DLC1: variants seen among roughly 807,000 people sequenced by gnomAD.
DLC1 encodes DLC1 Rho GTPase activating protein, also known as rho GTPase-activating protein 7.
In DLC1, 54 loss-of-function variants were observed where a neutral mutation model predicts 140.3. The observed-to-expected ratio is 0.38, with a 90% CI of 0.31 to 0.48. The LOEUF (loss-of-function observed/expected upper bound fraction) is 0.48, where lower values mean the gene tolerates loss of function less well. Ranked by LOEUF, DLC1 falls within the 20% of genes least tolerant of loss-of-function variation. DLC1 has a pLI of 0.96. For synonymous variants in DLC1, 986 were observed against 728.1 expected (o/e 1.35, Z -5.70); for missense variants, 2,536 against 1,907.0 (o/e 1.33, Z -6.14).
chr8:13,506,581 G>GTGTGTTTATATATATATATATA (rs1246764417), intron 1 of DLC1, among the ~76,000 whole-genome samples: 2 of 131,144 alleles, frequency 1.5e-5, no homozygotes, highest in African/African-American at 6.4e-5. Context: ...GTGTGTGTGT[G>GTGTGTTTATATATATATATATA]TATATATATA....
chr8:13,154,782 G>A (rs890636441), intron 5 of DLC1, among the ~76,000 whole-genome samples: 5 of 148,678 alleles, frequency 3.4e-5, no homozygotes, highest in Non-Finnish European at 5.9e-5. Context: ...CATATTTAAT[G>A]TAAACAATAG....
At chr8:13,581,849 T>C (rs1331450998) in intron 1 of DLC1, among the ~76,000 whole-genome samples, 1 of 152,138 alleles carries the variant, frequency 6.6e-6, no homozygotes, top group African/African-American at 2.4e-5. Flanking sequence ...ATGTTTTCGG[T>C]TTTGTTTTCC....
rs80269993 is a variant in DLC1 at position 13,301,142 on chromosome 8, G to A, written c.1348+4127C>T. On this transcript the variant is annotated intron_variant, in intron 5 of 17. Transcript: ENST00000276297. Reference sequence around the variant, plus strand: ...TGGAATCACGGGAAAATGGGACACAGCATAAACATTTCTCTGAAACTAATA... The same window carrying A: ...TGGAATCACGGGAAAATGGGACACAACATAAACATTTCTCTGAAACTAATA... 1.5e-4 allele frequency among the ~76,000 whole-genome samples: 23 copies of A among 151,824 alleles called. 1 individual carries two copies. The East Asian group carries it at 4.5e-3, about 30-fold the overall frequency.
Position 13,432,867 on chromosome 8 carries a change from C to T in DLC1, c.1024-31248G>A, listed in dbSNP as rs143165549. Among the ~76,000 whole-genome samples, 33 of 149,616 alleles carry T rather than the reference C, an allele frequency of 2.2e-4. 1 individual carries two copies. The East Asian group carries it at 5.2e-3, about 24-fold the overall frequency. ...GCTGGCCTGAGAAGGGAAACACTTTCAAGAGTAGCTGCTGTGTGGTGCTCT... is the reference window on the plus strand; with the variant it reads ...GCTGGCCTGAGAAGGGAAACACTTTTAAGAGTAGCTGCTGTGTGGTGCTCT... On this transcript the variant is annotated intron_variant, in intron 2 of 17. Coordinates refer to ENST00000276297, the MANE Select transcript of DLC1 (RefSeq NM_182643.3).
chr8:13,103,330 AT>A lies in DLC1; in HGVS notation c.1503-478del, dbSNP rs1819265754. On this transcript the variant is annotated intron_variant, in intron 7 of 17. Transcript: ENST00000276297. ...CTTCTCAAAATAAATAAATAAATAA[AT>A]AAATAAATAAATAAATAAATAAATA... Among the ~76,000 whole-genome samples the A allele has an allele frequency of 3.3e-5, 5 of 150,934 alleles. 1 individual carries two copies. Among genetic ancestry groups the A allele is most frequent in the African/African-American group, 9.7e-5 (4 of 41,246 alleles).
chr8:13,097,105 C>A (rs1818564198), intron 10 of DLC1, among the ~76,000 whole-genome samples: 2 of 152,106 alleles, frequency 1.3e-5, no homozygotes. Context: ...TTGTACAATG[C>A]ATTTCATCTC....
intron 5 of DLC1, among the ~76,000 whole-genome samples, chr8:13,293,753 C>T (rs56371985): frequency 0.014 from 2,103 of 152,198 alleles, 42 homozygotes; most frequent in African/African-American, 0.047. Flanking sequence ...GGGAAGACCA[C>T]TTCAAATGTG....
At chr8:13,370,799 A>T (rs957010341) in intron 4 of DLC1, among the ~76,000 whole-genome samples, 3 of 152,154 alleles carry the variant, frequency 2.0e-5, no homozygotes, top group African/African-American at 7.2e-5. Context: ...TCTAAATCCA[A>T]TGCAAGGGAG....
chr8:13,119,822 C>T (rs1022507268), intron 5 of DLC1, among the ~76,000 whole-genome samples: 20 of 151,762 alleles, frequency 1.3e-4, no homozygotes, highest in African/African-American at 4.4e-4. Flanking sequence ...AGCTTTCTGC[C>T]TGTATTCGCA....
intron 2 of DLC1, among the ~76,000 whole-genome samples, chr8:13,433,140 A>C (rs926672832): frequency 6.6e-6 from 1 of 152,022 alleles, no homozygotes; most frequent in South Asian, 2.1e-4. Context: ...TATTGAAGAG[A>C]ACAGGCATTC....
chr8:13,571,435 A>G (rs1563448724), intron 1 of DLC1, among the ~76,000 whole-genome samples: 1 of 152,184 alleles, frequency 6.6e-6, no homozygotes, highest in Non-Finnish European at 1.5e-5. Flanking sequence ...TGCTTATTTG[A>G]GATACTTCAT....
intron 4 of DLC1, among the ~76,000 whole-genome samples, chr8:13,333,061 A>C (rs73216398): frequency 0.058 from 8,857 of 152,282 alleles, 316 homozygotes; most frequent in South Asian, 0.14. Flanking sequence ...TTAATTTAAA[A>C]ATATATTACA....
chr8:13,603,903 A>G (rs1008302027), intron 1 of DLC1, among the ~76,000 whole-genome samples: 5 of 152,228 alleles, frequency 3.3e-5, no homozygotes, highest in Non-Finnish European at 5.9e-5. Flanking sequence ...GCTTGGTAAT[A>G]TATTTCTCTT....
At chr8:13,386,168 A>C (rs1836511743) in intron 4 of DLC1, among the ~76,000 whole-genome samples, 3 of 152,178 alleles carry the variant, frequency 2.0e-5, no homozygotes. Flanking sequence ...TAGCATGCAA[A>C]GTACTATTCA....
chr8:13,312,182 A>T (rs1374538135), intron 4 of DLC1, among the ~76,000 whole-genome samples: 1 of 142,692 alleles, frequency 7.0e-6, no homozygotes, highest in East Asian at 2.0e-4. Context: ...TAACACGGTG[A>T]AACCCCGTCT....
At chr8:13,120,311 CCAACCTGGATGA>C (rs1820933933) in intron 5 of DLC1, among the ~76,000 whole-genome samples, 1 of 120,488 alleles carries the variant, frequency 8.3e-6, no homozygotes, top group African/African-American at 3.0e-5. Flanking sequence ...TCACTGCACT[CCAACCTGGATGA>C]CAGAAAGAGA....
chr8:13,449,578 C>A (rs190378150), intron 2 of DLC1, among the ~76,000 whole-genome samples: 1 of 151,640 alleles, frequency 6.6e-6, no homozygotes, highest in African/African-American at 2.4e-5. Flanking sequence ...GGACAAAAAA[C>A]CAAACACTGC....
intron 15 of DLC1, among the ~76,000 whole-genome samples, chr8:13,088,991 G>T (rs1254166560): frequency 1.3e-5 from 2 of 152,112 alleles, no homozygotes; most frequent in Non-Finnish European, 2.9e-5. Flanking sequence ...GGGTGCAGTG[G>T]CTCATTCCTG....
intron 4 of DLC1, among the ~76,000 whole-genome samples, chr8:13,348,455 A>G (rs961493611): frequency 1.3e-5 from 2 of 152,154 alleles, no homozygotes; most frequent in Non-Finnish European, 2.9e-5. Flanking sequence ...TGCATTTTGG[A>G]TGGATGATTT....
Sources: allele counts gnomAD v4.1 joint callset (sites outside exome capture counted in the v4.1 genomes callset), GRCh38; gene constraint gnomAD v4.1.1; transcripts MANE v1.5; gene names NCBI Gene and HGNC (gene_info 2026-07-23, HGNC 2026-07-21).